The following ASIC2 variants were observed in gnomAD, a reference collection of about 807,000 sequenced individuals.
ASIC2 encodes acid-sensing ion channel 2.
In ASIC2, 25 loss-of-function variants were observed where a neutral mutation model predicts 57.3. The ratio of observed to expected loss-of-function variants is 0.44; its 90% CI spans 0.32 to 0.61. The LOEUF is 0.61. Ranked by LOEUF, ASIC2 falls within the 20% of genes least tolerant of loss-of-function variation. The pLI is 0.06. For synonymous variants in ASIC2, 319 were observed against 307.5 expected, an observed-to-expected ratio of 1.04 and a Z score of -0.39; for missense variants, 641 against 738.1, an observed-to-expected ratio of 0.87 and a Z score of 1.52.
intron 1 of ASIC2, among the ~76,000 whole-genome samples, chr17:33,877,488 G>A (rs1327942341): frequency 6.6e-6 from 1 of 152,246 alleles, no homozygotes; most frequent in East Asian, 1.9e-4. Context: ...TCCTGGCTCG[G>A]AGGGTCCTAC....
intron 1 of ASIC2, among the ~76,000 whole-genome samples, chr17:33,288,274 G>T (rs1236171216): frequency 6.6e-6 from 1 of 152,176 alleles, no homozygotes; most frequent in Non-Finnish European, 1.5e-5. Flanking sequence ...CTCCAAAGCA[G>T]GAGAAACCCC....
At chr17:33,066,539 G>A (rs191081706) in intron 3 of ASIC2, among the ~76,000 whole-genome samples, 39 of 152,258 alleles carry the variant, frequency 2.6e-4, no homozygotes, top group African/African-American at 7.5e-4. Flanking sequence ...AAAACTCAGC[G>A]TCATGGAACC....
At chr17:33,606,140 A>C (rs1200674672) in intron 1 of ASIC2, among the ~76,000 whole-genome samples, 2 of 152,244 alleles carry the variant, frequency 1.3e-5, no homozygotes, top group East Asian at 3.8e-4. Context: ...TGTTCCAGGC[A>C]GAAATATTTG....
At chr17:33,386,590 C>G (rs1446857999) in intron 1 of ASIC2, among the ~76,000 whole-genome samples, 1 of 152,174 alleles carries the variant, frequency 6.6e-6, no homozygotes, top group South Asian at 2.1e-4. Context: ...TGCAGCCATC[C>G]CTCACCTGGA....
At chr17:33,690,743 G>GTT (rs527881591) in intron 1 of ASIC2, among the ~76,000 whole-genome samples, 1,686 of 81,680 alleles carry the variant, frequency 0.021, 5 homozygotes, top group Non-Finnish European at 0.027. Flanking sequence ...ACTCTTCATT[G>GTT]TTTTTTTTTT....
At chr17:33,037,130 C>CAAAAAAAAAA (rs35845015) in intron 3 of ASIC2, among the ~76,000 whole-genome samples, 1 of 125,618 alleles carries the variant, frequency 8.0e-6, no homozygotes, top group African/African-American at 3.0e-5. Context: ...GGTGTGGTAG[C>CAAAAAAAAAA]AAAAAAAAAA....
At chr17:34,096,584 G>A (rs749223213) in intron 1 of ASIC2, among the ~76,000 whole-genome samples, 45 of 152,242 alleles carry the variant, frequency 3.0e-4, no homozygotes, top group African/African-American at 9.6e-4. Context: ...AGGATTGGCC[G>A]GGCATGGTGG....
intron 1 of ASIC2, among the ~76,000 whole-genome samples, chr17:34,073,872 G>A (rs1909520668): frequency 6.6e-6 from 1 of 152,198 alleles, no homozygotes; most frequent in African/African-American, 2.4e-5. Flanking sequence ...AGTGAGAGCA[G>A]CTGGCCACCC....
At chr17:33,382,466 C>G (rs998647469) in intron 1 of ASIC2, among the ~76,000 whole-genome samples, 1 of 152,138 alleles carries the variant, frequency 6.6e-6, no homozygotes, top group African/African-American at 2.4e-5. Context: ...GAGGCTGCAT[C>G]AAAAGCAGTA....
chr17:34,124,769 C>G (rs1280018522), intron 1 of ASIC2, among the ~76,000 whole-genome samples: 1 of 152,096 alleles, frequency 6.6e-6, no homozygotes, highest in Non-Finnish European at 1.5e-5. Context: ...AGAGAGATCT[C>G]TAGCCCCTCT....
intron 1 of ASIC2, among the ~76,000 whole-genome samples, chr17:33,485,338 T>A (rs1913543701): frequency 6.6e-6 from 1 of 152,134 alleles, no homozygotes; most frequent in Non-Finnish European, 1.5e-5. Flanking sequence ...CAATAGCCAG[T>A]GAGAATCAGG....
intron 1 of ASIC2, among the ~76,000 whole-genome samples, chr17:33,883,921 ATAGGTGAAG>A (rs150790127): frequency 6.6e-6 from 1 of 152,374 alleles, no homozygotes; most frequent in African/African-American, 2.4e-5. Flanking sequence ...CAAAGCTCAG[ATAGGTGAAG>A]TAACTTGCCC....
At chr17:33,377,390 T>C (rs1382094057) in intron 1 of ASIC2, among the ~76,000 whole-genome samples, 1 of 152,254 alleles carries the variant, frequency 6.6e-6, no homozygotes, top group African/African-American at 2.4e-5. Flanking sequence ...TGGAGAATAC[T>C]TCTTACAAGT....
chr17:33,912,535 A>C (rs1416621395), intron 1 of ASIC2, among the ~76,000 whole-genome samples: 2 of 152,108 alleles, frequency 1.3e-5, no homozygotes, highest in Non-Finnish European at 2.9e-5. Context: ...AAATCTTTAT[A>C]GGCAATTCTG....
intron 1 of ASIC2, among the ~76,000 whole-genome samples, chr17:34,085,380 G>A (rs1910071891): frequency 6.6e-6 from 1 of 152,182 alleles, no homozygotes; most frequent in Non-Finnish European, 1.5e-5. Context: ...GCATCCCAGG[G>A]ATGAAGCCCA....
At chr17:33,902,823 G>C (rs141590321) in intron 1 of ASIC2, among the ~76,000 whole-genome samples, 24 of 152,284 alleles carry the variant, frequency 1.6e-4, no homozygotes, top group African/African-American at 5.5e-4. Context: ...AATTCAGCCA[G>C]AACTGTTAAG....
intron 1 of ASIC2, among the ~76,000 whole-genome samples, chr17:33,638,865 T>C (rs562771928): frequency 6.6e-6 from 1 of 152,162 alleles, no homozygotes; most frequent in African/African-American, 2.4e-5. Context: ...GGTGAGTTAG[T>C]GGGCACTTCC....
chr17:33,641,555 C>T (rs907213497), intron 1 of ASIC2, among the ~76,000 whole-genome samples: 3 of 152,216 alleles, frequency 2.0e-5, no homozygotes, highest in African/African-American at 7.2e-5. Flanking sequence ...ATTCCAGACT[C>T]CTTGTCCACT....
intron 1 of ASIC2, among the ~76,000 whole-genome samples, chr17:34,097,044 G>T (rs1229384643): frequency 4.0e-5 from 6 of 151,868 alleles, no homozygotes; most frequent in East Asian, 1.9e-4. Context: ...GTTTAAATAA[G>T]AATAATAATA....
Sources: allele counts gnomAD v4.1 joint callset (sites outside exome capture counted in the v4.1 genomes callset), GRCh38; gene constraint gnomAD v4.1.1; transcripts MANE v1.5; gene names NCBI Gene and HGNC (gene_info 2026-07-23, HGNC 2026-07-21).